STRBP: variants seen among roughly 807,000 people sequenced by gnomAD.
The protein encoded by STRBP is spermatid perinuclear RNA binding protein.
Under a neutral mutation model 80.1 loss-of-function variants are expected in STRBP, and 13 were observed. That is an observed-to-expected ratio of 0.16 (90% CI 0.11 to 0.26). STRBP has a LOEUF of 0.26. Ranked by LOEUF, STRBP falls within the 10% of genes least tolerant of loss-of-function variation. STRBP has a pLI of 1.00. For missense variants in STRBP, 485 were observed against 815.2 expected (o/e 0.59, Z 4.93); for synonymous variants, 284 against 291.2 (o/e 0.98, Z 0.25).
chr9:123,199,547 C>T (rs1248304522), intron 2 of STRBP, among the ~76,000 whole-genome samples: 1 of 152,126 alleles, frequency 6.6e-6, no homozygotes, highest in Non-Finnish European at 1.5e-5. Flanking sequence ...GTATCATCTA[C>T]AGTTTCTTTC....
intron 4 of STRBP, 80 bp downstream of exon 4, chr9:123,178,927 T>C (rs2038337416): frequency 2.2e-6 from 3 of 1,375,568 alleles, no homozygotes; most frequent in Non-Finnish European, 3.1e-6. Flanking sequence ...AAAAACAGCA[T>C]AACACACACT....
intron 6 of STRBP, among the ~76,000 whole-genome samples, chr9:123,166,826 C>A (rs549630837): frequency 6.6e-6 from 1 of 152,050 alleles, no homozygotes; most frequent in Non-Finnish European, 1.5e-5. Flanking sequence ...TGCTGCACAC[C>A]AAGATCTGTG....
intron 1 of STRBP, among the ~76,000 whole-genome samples, chr9:123,247,567 C>A (rs2040824397): frequency 6.6e-6 from 1 of 152,208 alleles, no homozygotes; most frequent in South Asian, 2.1e-4. Flanking sequence ...CTGCGCCCAG[C>A]CTCCTAGCTG....
chr9:123,185,895 G>A (rs1207209328), intron 2 of STRBP, among the ~76,000 whole-genome samples: 5 of 152,126 alleles, frequency 3.3e-5, no homozygotes, highest in African/African-American at 1.2e-4. Context: ...AGCCGGGCAT[G>A]GTGGCGGGTG....
At chr9:123,218,259 A>C (rs1333344064) in intron 2 of STRBP, among the ~76,000 whole-genome samples, 1 of 151,766 alleles carries the variant, frequency 6.6e-6, no homozygotes, top group Non-Finnish European at 1.5e-5. Context: ...TTAGCTGAGG[A>C]GTGGACTGGG....
At chr9:123,121,148 C>G (rs1267828160), downstream of STRBP, 1 of 152,158 alleles carries the variant, frequency 6.6e-6, no homozygotes, top group Non-Finnish European at 1.5e-5. Flanking sequence ...CCTCATACAA[C>G]CTTTTATAGA....
intron 6 of STRBP, among the ~76,000 whole-genome samples, chr9:123,165,076 A>T (rs191148673): frequency 3.3e-5 from 5 of 152,100 alleles, no homozygotes; most frequent in Admixed American, 2.6e-4. Flanking sequence ...AGGTCAAGAG[A>T]TCGAGATCAT....
intron 1 of STRBP, among the ~76,000 whole-genome samples, chr9:123,258,648 A>G (rs1054414930): frequency 6.6e-6 from 1 of 151,884 alleles, no homozygotes; most frequent in Non-Finnish European, 1.5e-5. Flanking sequence ...TTAAAAATAC[A>G]AAAAAATTAG....
chr9:123,200,511 G>A (rs947189800), intron 2 of STRBP, among the ~76,000 whole-genome samples: 1 of 151,266 alleles, frequency 6.6e-6, no homozygotes, highest in Non-Finnish European at 1.5e-5. Flanking sequence ...TGAATGTCTG[G>A]TAGAATTCAG....
Position 123,115,265 on chromosome 9 carries a change from T to C in STRBP, c.*84+664A>G, listed in dbSNP as rs1453472088. ...CTCCTGGGGATCCCGTCTGGCTCAG[T>C]GGGAAGCCTATCGCTCTTGGTAAAT... is the stretch of plus-strand genomic sequence containing the variant. On this transcript the variant is annotated intron_variant and NMD_transcript_variant, in intron 3 of 3. Coordinates refer to the STRBP transcript ENST00000471564. This position sits in a 1 kb window ranked among gnomAD's most constrained non-coding sequence, Gnocchi z 5.0. 2.1e-6 allele frequency: 1 copy of C among 471,046 alleles called. No homozygotes were observed. The highest frequency in any genetic ancestry group is 6.9e-5 in the East Asian group (1 of 14,402). The allele number at this position is 471,046 out of a possible 1,614,324, so 29.2% of individuals were successfully genotyped here. A position where few individuals can be genotyped will look rare whatever the true frequency, so the allele number is the denominator to read the frequency against.
intron 2 of STRBP, among the ~76,000 whole-genome samples, chr9:123,235,803 T>C (rs1276587804): frequency 6.6e-6 from 1 of 152,144 alleles, no homozygotes; most frequent in East Asian, 1.9e-4. Context: ...AAGTCACTTC[T>C]GAAATGATTT....
chr9:123,213,147 G>A (rs1357654643), intron 2 of STRBP, among the ~76,000 whole-genome samples: 1 of 152,188 alleles, frequency 6.6e-6, no homozygotes, highest in East Asian at 1.9e-4. Context: ...TAACAGTCAT[G>A]GTAGTAGTTT....
chr9:123,124,968 C>A lies in STRBP; in HGVS notation c.*629G>T. On this transcript the variant is annotated 3_prime_UTR_variant, in exon 19 of 19. Coordinates refer to ENST00000348403, the MANE Select transcript of STRBP (RefSeq NM_018387.5). ...CTTACAAGTGAATGGGCTTCTAGGG[C>A]TAAGTTATTAGTTTTCAATTCCTTG... 1.0e-6 allele frequency: 1 copy of A among 985,738 alleles called. No homozygotes were observed. The allele number at this position is 985,738 out of a possible 1,614,324, so 61.1% of individuals were successfully genotyped here. A position where few individuals can be genotyped will look rare whatever the true frequency, so the allele number is the denominator to read the frequency against.
intron 2 of STRBP, among the ~76,000 whole-genome samples, chr9:123,218,425 A>G (rs1053137350): frequency 7.5e-6 from 1 of 133,038 alleles, no homozygotes; most frequent in Non-Finnish European, 1.5e-5. Context: ...TGCGGACTGC[A>G]GTGGCGCAAT....
chr9:123,217,370 A>G (rs2039931769), intron 2 of STRBP, among the ~76,000 whole-genome samples: 1 of 152,202 alleles, frequency 6.6e-6, no homozygotes, highest in Non-Finnish European at 1.5e-5. Flanking sequence ...AACAAACCAT[A>G]TGCAAAGATA....
chr9:123,166,145 G>GT (rs944712946), intron 6 of STRBP, among the ~76,000 whole-genome samples: 39 of 152,264 alleles, frequency 2.6e-4, no homozygotes, highest in Middle Eastern at 3.4e-3. Flanking sequence ...AATATACCAG[G>GT]TTTTTATTAT....
At position 123,150,561 on chromosome 9, in the gene STRBP, T is replaced by C. The variant is rs540230292; in HGVS notation, c.1046-2691A>G. Among the ~76,000 whole-genome samples the C allele has an allele frequency of 1.4e-4, 21 of 152,062 alleles. No individual in the cohort carries two copies. The South Asian group carries it at 2.5e-3, about 18-fold the overall frequency. ...CCACTGGACTCCAGCCTGGGCAACA[T>C]AGCCAAGCCGTGTTTTCTTAAATAA... On this transcript the variant is annotated intron_variant, in intron 11 of 18. Transcript: ENST00000348403.
chr9:123,185,725 T>A (rs1056456054), intron 2 of STRBP, among the ~76,000 whole-genome samples: 6 of 152,148 alleles, frequency 3.9e-5, no homozygotes, highest in African/African-American at 1.4e-4. Context: ...TAGCTGTGAA[T>A]CCAGCAGCCA....
intron 3 of STRBP, among the ~76,000 whole-genome samples, chr9:123,179,504 G>A (rs1006152785): frequency 3.3e-5 from 5 of 152,154 alleles, no homozygotes; most frequent in African/African-American, 7.2e-5. Flanking sequence ...GGCCAGGCAC[G>A]GGGGCACATG....
Sources: gnomAD v4.1 joint callset for allele counts (sites outside exome capture counted in the v4.1 genomes callset) on GRCh38, gnomAD v4.1.1 for gene constraint, Gnocchi (gnomAD v3.1) non-coding constraint, MANE v1.5 for transcripts, NCBI Gene and HGNC (gene_info 2026-07-23, HGNC 2026-07-21) for gene names.